The following MALRD1 variants were observed in gnomAD, a reference collection of about 807,000 sequenced individuals.
MALRD1 encodes the protein MAM and LDL receptor class A domain containing 1, also known as MAM and LDL-receptor class A domain-containing protein 1.
Under a neutral mutation model 242.1 loss-of-function variants are expected in MALRD1, and 247 were observed. That is an observed-to-expected ratio of 1.02 (90% confidence interval 0.92 to 1.13). The LOEUF (loss-of-function observed/expected upper bound fraction) is 1.13, where lower values mean the gene tolerates loss of function less well. Ranked by LOEUF, MALRD1 falls within the 50% of genes most tolerant of loss-of-function variation. The pLI is 0.00. For synonymous variants in MALRD1, 995 were observed against 866.6 expected (o/e 1.15, Z -2.60); for missense variants, 2,989 against 2,533.1 (o/e 1.18, Z -3.86).
At chr10:19,273,728 A>G (rs1394750491) in intron 19 of MALRD1, among the ~76,000 whole-genome samples, 1 of 152,090 alleles carries the variant, frequency 6.6e-6, no homozygotes, top group Non-Finnish European at 1.5e-5. Context: ...TTTAGGGGAG[A>G]GGGTAGGATG....
intron 2 of MALRD1, among the ~76,000 whole-genome samples, chr10:19,070,972 C>G (rs1037478441): frequency 2.0e-4 from 30 of 148,266 alleles, no homozygotes; most frequent in African/African-American, 7.4e-4. Flanking sequence ...CTGTGTCAGT[C>G]TCCTGAGTAG....
At chr10:19,128,478 T>A in intron 8 of MALRD1, 91 bp downstream of exon 8, 1 of 820,582 alleles carries the variant, frequency 1.2e-6, no homozygotes, top group Non-Finnish European at 1.6e-6. Flanking sequence ...CAGTTGCGCA[T>A]AGGCTTTTAT....
intron 19 of MALRD1, among the ~76,000 whole-genome samples, chr10:19,279,307 T>C (rs1014221642): frequency 6.6e-6 from 1 of 152,212 alleles, no homozygotes; most frequent in Admixed American, 6.5e-5. Flanking sequence ...TAAACAACAC[T>C]GGATGAAAGC....
At position 19,365,427 on chromosome 10, in the gene MALRD1, T is replaced by C. The variant is rs1041677103; in HGVS notation, c.4441+13130T>C. ...TTCTATTAGATATTTTCGACAGACA[T>C]TTTATCACTGTCTCTTGGTTTCTAA... On this transcript the variant is annotated intron_variant, in intron 26 of 39. Transcript: ENST00000454679. Among the ~76,000 whole-genome samples the C allele has an allele frequency of 7.2e-5, 11 of 152,214 alleles. No individual in the cohort carries two copies. The South Asian group carries it at 1.7e-3, about 23-fold the overall frequency.
At chr10:19,433,144 G>A (rs188677448) in intron 28 of MALRD1, among the ~76,000 whole-genome samples, 182 of 152,238 alleles carry the variant, frequency 1.2e-3, no homozygotes, top group African/African-American at 4.2e-3. Context: ...TATTTATCAG[G>A]TTATCATACC....
chr10:19,332,480 A>C (rs1843420625), intron 24 of MALRD1, among the ~76,000 whole-genome samples: 1 of 152,202 alleles, frequency 6.6e-6, no homozygotes, highest in South Asian at 2.1e-4. Context: ...CAATCTGCTA[A>C]GCCTGTAAGA....
At chr10:19,171,314 C>G (rs1834910645) in intron 13 of MALRD1, among the ~76,000 whole-genome samples, 4 of 151,012 alleles carry the variant, frequency 2.6e-5, no homozygotes, top group Admixed American at 2.6e-4. Context: ...CACTCTTCCT[C>G]CATCTGTGGT....
intron 7 of MALRD1, among the ~76,000 whole-genome samples, chr10:19,125,689 C>A (rs1007492220): frequency 6.6e-6 from 1 of 151,600 alleles, no homozygotes; most frequent in East Asian, 1.9e-4. Flanking sequence ...TTAACAAAAC[C>A]TAAAGTGCTC....
Position 19,245,712 on chromosome 10 carries a change from A to G in MALRD1, c.2992-11972A>G, listed in dbSNP as rs190913976. ...CCTAAAGTCTTCCCTACAAACACCA[A>G]TATCAAAAGCTCCAGAGGAGAATCC... On this transcript the variant is annotated intron_variant, in intron 18 of 39. Transcript: ENST00000454679. Among the ~76,000 whole-genome samples, 328 of 152,304 alleles carry G rather than the reference A, an allele frequency of 2.2e-3. 1 individual carries two copies. In the South Asian group the frequency reaches 0.026, roughly 12 times the overall value.
rs948519482 is a variant in MALRD1 at position 19,576,920 on chromosome 10, C to A, written c.5680+9217C>A. Among the ~76,000 whole-genome samples the A allele has an allele frequency of 2.0e-5, 3 of 146,830 alleles. No homozygotes were observed. In the South Asian group the frequency reaches 6.4e-4, roughly 31 times the overall value. ...GTATTGTTGATATCTGTAGCTTTTT[C>A]TCTGTCATTTTTAGTTCCTCCTCAT... is the stretch of plus-strand genomic sequence containing the variant. On this transcript the variant is annotated intron_variant, in intron 33 of 39. Transcript: ENST00000454679.
chr10:19,698,863 TA>T (rs1313024068), intron 38 of MALRD1, among the ~76,000 whole-genome samples: 1 of 152,136 alleles, frequency 6.6e-6, no homozygotes, highest in Admixed American at 6.6e-5. Flanking sequence ...TATGTAGCCA[TA>T]AAAAATGAAT....
At chr10:19,332,171 AATG>A (rs748094092) in intron 24 of MALRD1, among the ~76,000 whole-genome samples, 13 of 47,072 alleles carry the variant, frequency 2.8e-4, no homozygotes, top group Non-Finnish European at 3.6e-4. Flanking sequence ...GCCTGAAATA[AATG>A]TTGTTTTTTT....
intron 21 of MALRD1, among the ~76,000 whole-genome samples, chr10:19,283,493 A>C (rs114761976): frequency 6.6e-6 from 1 of 151,848 alleles, no homozygotes; most frequent in Non-Finnish European, 1.5e-5. Context: ...TGCCTCCCCA[A>C]ATGTCTTTTC....
At chr10:19,388,991 C>T (rs1190070573) in intron 27 of MALRD1, among the ~76,000 whole-genome samples, 1 of 151,608 alleles carries the variant, frequency 6.6e-6, no homozygotes, top group Non-Finnish European at 1.5e-5. Context: ...TGTCAATGTG[C>T]AAGAACAAAA....
At chr10:19,524,044 T>TA (rs2131325229) in intron 31 of MALRD1, among the ~76,000 whole-genome samples, 1 of 152,362 alleles carries the variant, frequency 6.6e-6, no homozygotes, top group South Asian at 2.1e-4. Flanking sequence ...CAGAATAATG[T>TA]AATGACAGAC....
At chr10:19,687,816 G>A (rs988021743) in intron 36 of MALRD1, among the ~76,000 whole-genome samples, 1 of 152,070 alleles carries the variant, frequency 6.6e-6, no homozygotes, top group African/African-American at 2.4e-5. Context: ...AGATAGCTAA[G>A]CTTCCCTACC....
At chr10:19,666,253 A>T (rs746316476) in intron 36 of MALRD1, among the ~76,000 whole-genome samples, 1 of 151,986 alleles carries the variant, frequency 6.6e-6, no homozygotes, top group African/African-American at 2.4e-5. Context: ...TTATCTTCCA[A>T]ATGCTCTTGG....
chr10:19,649,221 A>G (rs1288943279), intron 36 of MALRD1, among the ~76,000 whole-genome samples: 1 of 152,154 alleles, frequency 6.6e-6, no homozygotes, highest in Non-Finnish European at 1.5e-5. Context: ...TCTTTATGGT[A>G]GAATGCTTTA....
At chr10:19,051,809 C>G (rs1466904250) in intron 1 of MALRD1, 1 of 158,038 alleles carries the variant, frequency 6.3e-6, no homozygotes, top group African/African-American at 2.4e-5. Context: ...GTAGTCCCAG[C>G]TACTTGGGAG....
Sources: allele counts gnomAD v4.1 joint callset (sites outside exome capture counted in the v4.1 genomes callset), GRCh38; gene constraint gnomAD v4.1.1; transcripts MANE v1.5; gene names NCBI Gene and HGNC (gene_info 2026-07-23, HGNC 2026-07-21).